Variants in SPARC observed in about 807,000 individuals in gnomAD.
SPARC encodes basement-membrane protein 40.
In SPARC, 23 loss-of-function variants were observed where a neutral mutation model predicts 37.7. The ratio of observed to expected loss-of-function variants is 0.61; its 90% CI spans 0.44 to 0.87. The LOEUF (loss-of-function observed/expected upper bound fraction) is 0.87. Ranked by LOEUF, SPARC falls within the 40% of genes least tolerant of loss-of-function variation. SPARC has a pLI of 0.00. For synonymous variants in SPARC, 155 were observed against 150.8 expected, an observed-to-expected ratio of 1.03 and a Z score of -0.20; for missense variants, 312 against 389.0, an observed-to-expected ratio of 0.80 and a Z score of 1.66.
intron 4 of SPARC, chr5:151,672,875 G>A (rs1760776708): frequency 4.0e-6 from 2 of 499,320 alleles, no homozygotes; most frequent in East Asian, 3.5e-5. Flanking sequence ...GAGGGGAGAA[G>A]CCCATTTCCA....
intron 1 of SPARC, among the ~76,000 whole-genome samples, chr5:151,683,408 G>A (rs936132690): frequency 2.0e-5 from 3 of 152,226 alleles, no homozygotes; most frequent in African/African-American, 2.4e-5. Flanking sequence ...GGGATTGGGG[G>A]GGAAGGCAAG....
intron 1 of SPARC, among the ~76,000 whole-genome samples, chr5:151,678,794 T>TAAACAC (rs528375960): frequency 1.3e-3 from 204 of 152,268 alleles, no homozygotes; most frequent in African/African-American, 4.8e-3. Flanking sequence ...AAGAAAACTG[T>TAAACAC]AAACACAAAC....
chr5:151,673,818 C>A (rs921809712), intron 3 of SPARC, among the ~76,000 whole-genome samples: 11 of 152,266 alleles, frequency 7.2e-5, no homozygotes, highest in Admixed American at 2.0e-4. Flanking sequence ...CCACCTTGGA[C>A]ACATGTCTCA....
chr5:151,684,374 A>C (rs1258185865), intron 1 of SPARC, among the ~76,000 whole-genome samples: 1 of 151,574 alleles, frequency 6.6e-6, no homozygotes, highest in Non-Finnish European at 1.5e-5. Flanking sequence ...TCAAGAGAGG[A>C]AGTGTCTTTC....
intron 2 of SPARC, among the ~76,000 whole-genome samples, chr5:151,675,226 T>C (rs1009976929): frequency 2.0e-5 from 3 of 152,222 alleles, no homozygotes; most frequent in African/African-American, 4.8e-5. Flanking sequence ...TGCCTCCATC[T>C]ACCAGCCTGA....
chr5:151,676,283 GATA>G, intron 1 of SPARC, 82 bp from the exon 2 acceptor site: 1 of 897,626 alleles, frequency 1.1e-6, no homozygotes. Flanking sequence ...ATATGTGCAA[GATA>G]ATGTTAGATG....
In SPARC at chr5:151,666,511, T is replaced by A. The variant is rs113825985; in HGVS notation, c.586-2A>T. On this transcript the variant is annotated splice_acceptor_variant, in intron 7 of 9. Transcript: ENST00000231061. LOFTEE classifies it high-confidence loss of function. ...CTCATTCTCATGGATCTTCTTCACCTGAGGGAGTAGAGACTGTGTGTGACA... is the reference window on the plus strand; with the variant it reads ...CTCATTCTCATGGATCTTCTTCACCAGAGGGAGTAGAGACTGTGTGTGACA... 6.2e-7 allele frequency: 1 copy of A among 1,613,542 alleles called. No individual in the cohort carries two copies. Among genetic ancestry groups the A allele is most frequent in the Non-Finnish European group, 8.5e-7 (1 of 1,179,700 alleles).
At chr5:151,666,615 G>C in intron 7 of SPARC, 106 bp from the exon 8 acceptor site, 1 of 999,338 alleles carries the variant, frequency 1.0e-6, no homozygotes, top group Non-Finnish European at 1.5e-6. Context: ...AGACTAGCCA[G>C]ACCAAAGCTC....
intron 2 of SPARC, among the ~76,000 whole-genome samples, chr5:151,675,022 T>C (rs1435549873): frequency 1.3e-5 from 2 of 152,208 alleles, no homozygotes; most frequent in Non-Finnish European, 2.9e-5. Context: ...AAAATTGACA[T>C]CCAGAGGGGA....
rs1275616856 is a variant in SPARC at position 151,661,396 on chromosome 5, C to T, written c.*2175G>A. 6.6e-6 allele frequency: 1 copy of T among 152,228 alleles called. No individual in the cohort carries two copies. Among genetic ancestry groups the T allele is most frequent in the Non-Finnish European group, 1.5e-5 (1 of 68,042 alleles). 9.4% of individuals were successfully genotyped at this position (152,228 alleles called of 1,614,324 possible). A position where few individuals can be genotyped will look rare whatever the true frequency, so the allele number is the denominator to read the frequency against. On this transcript the variant is annotated 3_prime_UTR_variant, in exon 10 of 10. Coordinates refer to ENST00000231061, the MANE Select transcript of SPARC (RefSeq NM_003118.4). ...AATGGCCAGCACCAAATGGGCCAAT[C>T]TCTCCTACTGCTCGCCCTCCCACTG...
chr5:151,672,297 G>A (rs545088722), intron 4 of SPARC, among the ~76,000 whole-genome samples: 7 of 152,302 alleles, frequency 4.6e-5, no homozygotes, highest in Admixed American at 4.6e-4. Context: ...AATACCATTA[G>A]CTATCCCCTC....
At chr5:151,669,990 C>CA (rs781044598) in intron 5 of SPARC, among the ~76,000 whole-genome samples, 47 of 152,232 alleles carry the variant, frequency 3.1e-4, no homozygotes, top group East Asian at 1.9e-3. Context: ...GGCTGAGAGC[C>CA]ATCGATGGTC....
intron 6 of SPARC, 135 bp downstream of exon 6, chr5:151,669,529 T>C: frequency 9.6e-7 from 1 of 1,040,666 alleles, no homozygotes; most frequent in Non-Finnish European, 1.4e-6. Context: ...ATTTTATAAA[T>C]GGGGATGCCG....
At chr5:151,683,961 C>A (rs1311335148) in intron 1 of SPARC, among the ~76,000 whole-genome samples, 2 of 152,208 alleles carry the variant, frequency 1.3e-5, no homozygotes, top group Non-Finnish European at 2.9e-5. Context: ...GCATATTTAT[C>A]TACCTACATA....
At chr5:151,683,124 G>T (rs73797039) in intron 1 of SPARC, among the ~76,000 whole-genome samples, 8,234 of 152,118 alleles carry the variant, frequency 0.054, 661 homozygotes, top group African/African-American at 0.17. Flanking sequence ...AGGCATCAGG[G>T]TCTGTGCTGT....
rs1018082129 is a variant in SPARC, at chr5:151,671,488, C to A, written c.330+85G>T. On this transcript the variant is annotated intron_variant, in intron 5 of 9. Transcript: ENST00000231061. Reference sequence around the variant, plus strand: ...TGAGACTGGCACTGCCCCATAGAACCACCAAGCCAACAGTTTCCTGAGCAG... The same window carrying A: ...TGAGACTGGCACTGCCCCATAGAACAACCAAGCCAACAGTTTCCTGAGCAG... 4.0e-5 allele frequency: 59 copies of A among 1,469,096 alleles called. No individual in the cohort carries two copies. In the African/African-American group the frequency reaches 7.8e-4, roughly 19 times the overall value. The allele number at this position is 1,469,096 out of a possible 1,614,324, so 91.0% of individuals were successfully genotyped here.
chr5:151,664,266 G>A, intron 8 of SPARC, 31 bp from the exon 9 acceptor site: 2 of 1,604,494 alleles, frequency 1.2e-6, no homozygotes, highest in Middle Eastern at 1.7e-4. Flanking sequence ...GAGGGCCTGA[G>A]GCATGGAAAA....
chr5:151,663,986 AACAG>A (rs2113080690), intron 9 of SPARC, 97 bp downstream of exon 9: 2 of 1,420,566 alleles, frequency 1.4e-6, no homozygotes, highest in Non-Finnish European at 2.0e-6. Context: ...GAGGACAGAC[AACAG>A]ACAGACCAAG....
intron 2 of SPARC, among the ~76,000 whole-genome samples, chr5:151,675,450 C>G (rs17661951): frequency 0.055 from 8,398 of 152,268 alleles, 303 homozygotes; most frequent in South Asian, 0.14. Flanking sequence ...CTCACCTGGC[C>G]AAGAAGCTGG....
Sources: gnomAD v4.1 joint callset for allele counts (sites outside exome capture counted in the v4.1 genomes callset) on GRCh38, gnomAD v4.1.1 for gene constraint, MANE v1.5 for transcripts, NCBI Gene and HGNC (gene_info 2026-07-23, HGNC 2026-07-21) for gene names.